CTDSPL2: variants seen among roughly 807,000 people sequenced by gnomAD.
The protein encoded by CTDSPL2 is CTD small phosphatase-like protein 2.
A neutral mutation model predicts 60.0 loss-of-function variants in CTDSPL2; 5 were observed. The ratio of observed to expected loss-of-function variants is 0.08; its 90% CI spans 0.04 to 0.18. The LOEUF is 0.18. CTDSPL2 is among the 10% of genes least tolerant of loss of function. The probability of loss-of-function intolerance (pLI) is 1.00; values close to 1 mark genes in which losing one functional copy is unlikely to be tolerated. For synonymous variants in CTDSPL2, 186 were observed against 189.3 expected (o/e 0.98, Z 0.14); for missense variants, 370 against 548.8 (o/e 0.67, Z 3.26).
Position 44,525,752 on chromosome 15 carries a change from ATT to A in CTDSPL2, c.*1582_*1583del. 1 of 306,842 alleles carries A rather than the reference ATT, an allele frequency of 3.3e-6. No individual in the cohort carries two copies. Among genetic ancestry groups the A allele is most frequent in the Non-Finnish European group, 5.9e-6 (1 of 168,984 alleles). 19.0% of individuals were successfully genotyped at this position (306,842 alleles called of 1,614,324 possible). On this transcript the variant is annotated 3_prime_UTR_variant, in exon 13 of 13. Transcript: ENST00000260327. The stretch of plus-strand genomic sequence containing the variant: ...GGAAATCTTTTTAGGAAAACATTTA[ATT>A]TTTGTATTTTTGATTTTAAAGGCAT...
In CTDSPL2 at chr15:44,521,394, G is replaced by A; in HGVS notation, c.1323G>A (p.Lys441=). 2 of 1,575,336 alleles carry A rather than the reference G, an allele frequency of 1.3e-6. No individual in the cohort carries two copies. Among genetic ancestry groups the A allele is most frequent in the South Asian group, 2.3e-5 (2 of 88,182 alleles). The change falls in exon 12 of 13, where the codon AAG becomes AAA. Residue 441 remains lysine (K), a synonymous_variant. Coordinates refer to ENST00000260327, the MANE Select transcript of CTDSPL2 (RefSeq NM_016396.3). ...TAAAATTGATTCCATTCCTGGAGAA[G>A]CTTGTAGAACTGGTAAGTGTAGCTT... ...ELLKLIPFLE[K]LVELNEDVRP...
At chr15:44,451,610 G>A (rs2080335875) in intron 1 of CTDSPL2, among the ~76,000 whole-genome samples, 1 of 151,998 alleles carries the variant, frequency 6.6e-6, no homozygotes, top group Admixed American at 6.6e-5. Context: ...CTGAGTTTGG[G>A]TCATACTTTA....
intron 5 of CTDSPL2, among the ~76,000 whole-genome samples, chr15:44,494,961 C>G (rs1335542625): frequency 6.6e-6 from 1 of 151,982 alleles, no homozygotes; most frequent in African/African-American, 2.4e-5. Context: ...CATAGAGTAG[C>G]ATTTCTTAAT....
rs1423601468 is a variant in CTDSPL2, at chr15:44,529,028, T to C, written c.*4854T>C. ...GTTGTTGTGGGGATAAATAAAACTT[T>C]TATGGAAGCACTTCTCTTTGATGAT... On this transcript the variant is annotated 3_prime_UTR_variant, in exon 13 of 13. Transcript: ENST00000260327. The C allele has an allele frequency of 6.6e-6, 1 of 152,218 alleles. No individual in the cohort carries two copies. The highest frequency in any genetic ancestry group is 2.4e-5 in the African/African-American group (1 of 41,458). The allele number at this position is 152,218 out of a possible 1,614,324, so 9.4% of individuals were successfully genotyped here. A position where few individuals can be genotyped will look rare whatever the true frequency, so the allele number is the denominator to read the frequency against.
At chr15:44,522,619 G>C (rs2081800611) in intron 12 of CTDSPL2, among the ~76,000 whole-genome samples, 1 of 152,000 alleles carries the variant, frequency 6.6e-6, no homozygotes, top group African/African-American at 2.4e-5. Context: ...TGGGCGTAGT[G>C]GTGGGCGCCT....
Position 44,525,055 on chromosome 15 carries a change from T to C in CTDSPL2, c.*881T>C, listed in dbSNP as rs2081851201. On this transcript the variant is annotated 3_prime_UTR_variant, in exon 13 of 13. Coordinates refer to ENST00000260327, the MANE Select transcript of CTDSPL2 (RefSeq NM_016396.3). ...GATAAAGGTATACCTCAGACTTCAC[T>C]GTGCTCACAAATCTTTGAGGAGAAA... 1 of 213,304 alleles carries C rather than the reference T, an allele frequency of 4.7e-6. No individual in the cohort carries two copies. Among genetic ancestry groups the C allele is most frequent in the African/African-American group, 2.3e-5 (1 of 43,934 alleles). The allele number at this position is 213,304 out of a possible 1,614,324, so 13.2% of individuals were successfully genotyped here. A position where few individuals can be genotyped will look rare whatever the true frequency, so the allele number is the denominator to read the frequency against.
chr15:44,521,451 C>A, intron 12 of CTDSPL2, 45 bp downstream of exon 12: 2 of 996,948 alleles, frequency 2.0e-6, no homozygotes, highest in Non-Finnish European at 3.1e-6. Flanking sequence ...GTTAGCTCAA[C>A]TATATTGAAA....
At chr15:44,514,562 G>A (rs775708817) in intron 8 of CTDSPL2, 36 bp from the exon 9 acceptor site, 1 of 1,279,478 alleles carries the variant, frequency 7.8e-7, no homozygotes, top group South Asian at 1.2e-5. Context: ...CCCATTGTAT[G>A]TTTATTTGCT....
chr15:44,452,926 C>A (rs1431803848), intron 1 of CTDSPL2, among the ~76,000 whole-genome samples: 1 of 151,930 alleles, frequency 6.6e-6, no homozygotes, highest in Non-Finnish European at 1.5e-5. Context: ...CATACAAGGT[C>A]TTTGTGATAT....
intron 2 of CTDSPL2, among the ~76,000 whole-genome samples, chr15:44,478,025 A>G (rs961661960): frequency 2.0e-5 from 3 of 152,170 alleles, no homozygotes; most frequent in African/African-American, 7.2e-5. Flanking sequence ...GCACATACTC[A>G]TTACATGCTA....
At chr15:44,502,093 C>T (rs2081390065) in intron 8 of CTDSPL2, 1 of 367,928 alleles carries the variant, frequency 2.7e-6, no homozygotes, top group Admixed American at 3.4e-5. Context: ...ATGATGTGGC[C>T]CACTTAAAGG....
At chr15:44,453,131 C>CTT (rs1683024718) in intron 1 of CTDSPL2, among the ~76,000 whole-genome samples, 1 of 151,842 alleles carries the variant, frequency 6.6e-6, no homozygotes, top group South Asian at 2.1e-4. Flanking sequence ...ATATGGATTT[C>CTT]TTTTATTTTT....
chr15:44,439,727 A>G (rs977575055), intron 1 of CTDSPL2, among the ~76,000 whole-genome samples: 1 of 152,152 alleles, frequency 6.6e-6, no homozygotes, highest in African/African-American at 2.4e-5. Flanking sequence ...TCCTGACATA[A>G]GTAGTAGCAT....
rs2080181921 is a variant in CTDSPL2 at position 44,445,092 on chromosome 15, C to T, written c.-24-13899C>T. Among the ~76,000 whole-genome samples the T allele has an allele frequency of 2.6e-5, 4 of 151,812 alleles. 1 individual carries two copies. Among genetic ancestry groups the T allele is most frequent in the African/African-American group, 7.3e-5 (3 of 41,338 alleles). On this transcript the variant is annotated intron_variant, in intron 1 of 12. Transcript: ENST00000260327. Reference sequence around the variant, plus strand: ...ATCTCCAGACCTTGTGATCCGCCCGCCTCGGCCTCCCAGAGTGCTGGGATT... The same window carrying T: ...ATCTCCAGACCTTGTGATCCGCCCGTCTCGGCCTCCCAGAGTGCTGGGATT...
At chr15:44,487,399 T>G (rs976174454) in intron 4 of CTDSPL2, among the ~76,000 whole-genome samples, 10 of 151,870 alleles carry the variant, frequency 6.6e-5, no homozygotes, top group African/African-American at 2.4e-4. Flanking sequence ...AACCCAGGAG[T>G]TTGAGGCTGC....
intron 10 of CTDSPL2, among the ~76,000 whole-genome samples, chr15:44,518,450 A>T (rs2081698039): frequency 6.6e-6 from 1 of 152,178 alleles, no homozygotes; most frequent in Admixed American, 6.5e-5. Flanking sequence ...TTGATACTTA[A>T]ATCTGAATTC....
At chr15:44,442,791 T>A (rs1237956872) in intron 1 of CTDSPL2, among the ~76,000 whole-genome samples, 2 of 151,856 alleles carry the variant, frequency 1.3e-5, no homozygotes, top group South Asian at 2.1e-4. Flanking sequence ...CCCTGGGCAA[T>A]ATAGTGGTAC....
chr15:44,488,640 T>C (rs1223595980), intron 4 of CTDSPL2, among the ~76,000 whole-genome samples: 1 of 151,960 alleles, frequency 6.6e-6, no homozygotes, highest in Non-Finnish European at 1.5e-5. Context: ...TGGAGAAACC[T>C]ATCTCTACTA....
At position 44,462,700 on chromosome 15, in the gene CTDSPL2, CTTTTTTTT is replaced by C. The variant is rs554319789; in HGVS notation, c.186+3517_186+3524del. Among the ~76,000 whole-genome samples the C allele has an allele frequency of 1.2e-4, 10 of 83,746 alleles. No individual in the cohort carries two copies. In the East Asian group the frequency reaches 1.6e-3, roughly 14 times the overall value. 54.9% of individuals were successfully genotyped at this position (83,746 alleles called of 152,430 possible). A position where few individuals can be genotyped will look rare whatever the true frequency, so the allele number is the denominator to read the frequency against. On this transcript the variant is annotated intron_variant, in intron 2 of 12. Coordinates refer to ENST00000260327, the MANE Select transcript of CTDSPL2 (RefSeq NM_016396.3). ...GACTCTTGAACTAGAACACTCAGGA[CTTTTTTTT>C]TTTTTTTTTTTTTTTTGAGACGGAG...
Sources: gnomAD v4.1 joint callset for allele counts (sites outside exome capture counted in the v4.1 genomes callset) on GRCh38, gnomAD v4.1.1 for gene constraint, MANE v1.5 for transcripts, NCBI Gene and HGNC (gene_info 2026-07-23, HGNC 2026-07-21) for gene names.